The following KCNT2 variants were observed in gnomAD, a reference collection of about 807,000 sequenced individuals.
KCNT2 encodes the protein potassium channel subfamily T member 2.
In KCNT2, 67 loss-of-function variants were observed where a neutral mutation model predicts 153.8. The ratio of observed to expected loss-of-function variants is 0.44; its 90% CI spans 0.36 to 0.53. The LOEUF (loss-of-function observed/expected upper bound fraction) is 0.53. Ranked by LOEUF, KCNT2 falls within the 20% of genes least tolerant of loss-of-function variation. The pLI is 0.00. For missense variants in KCNT2, 975 were observed against 1,354.8 expected (o/e 0.72, Z 4.40); for synonymous variants, 500 against 458.8 (o/e 1.09, Z -1.15).
intron 13 of KCNT2, among the ~76,000 whole-genome samples, chr1:196,387,677 C>T (rs1385440508): frequency 2.0e-5 from 3 of 152,012 alleles, no homozygotes; most frequent in South Asian, 4.1e-4. Context: ...TATTGACAAT[C>T]TTTTCATATG....
chr1:196,513,597 T>A (rs1558028331), intron 1 of KCNT2, among the ~76,000 whole-genome samples: 1 of 152,220 alleles, frequency 6.6e-6, no homozygotes, highest in Non-Finnish European at 1.5e-5. Context: ...TTACGTTAAC[T>A]AAGCTCTCTT....
At chr1:196,510,003 T>A (rs1184572655) in intron 1 of KCNT2, among the ~76,000 whole-genome samples, 1 of 152,144 alleles carries the variant, frequency 6.6e-6, no homozygotes, top group Non-Finnish European at 1.5e-5. Context: ...AGAATATGAT[T>A]GGCAAGGTTG....
At chr1:196,376,275 A>G (rs1451466602) in intron 13 of KCNT2, among the ~76,000 whole-genome samples, 2 of 151,898 alleles carry the variant, frequency 1.3e-5, no homozygotes, top group Non-Finnish European at 2.9e-5. Context: ...CAGAATTAAA[A>G]AATATTCAGA....
chr1:196,604,301 C>T (rs1467476412), intron 1 of KCNT2, among the ~76,000 whole-genome samples: 2 of 152,134 alleles, frequency 1.3e-5, no homozygotes, highest in Non-Finnish European at 2.9e-5. Flanking sequence ...CCAGACTGAG[C>T]GCTATTTCAT....
chr1:196,426,676 T>A (rs755161529), intron 10 of KCNT2, among the ~76,000 whole-genome samples: 1 of 151,656 alleles, frequency 6.6e-6, no homozygotes, highest in Non-Finnish European at 1.5e-5. Flanking sequence ...ATTTCTGGAG[T>A]TTAAATAATT....
chr1:196,228,246 G>T lies in KCNT2; in HGVS notation c.3386C>A (p.Ser1129Tyr), dbSNP rs758510104. The change falls in exon 28 of 28, where the codon TCT becomes TAT. Residue 1129 changes from serine to tyrosine, a missense_variant. By Grantham distance (144) the Ser-to-Tyr change is moderately radical. Transcript: ENST00000294725. ...NSICNVTGQD[S>Y]REETQL is the part of the protein sequence containing the mutation. ...TTATCAAAGTTGAGTTTCCTCCCGA[G>T]AATCTTGACCAGTGACATTGCAGAT... is the stretch of plus-strand genomic sequence containing the variant. The T allele has an allele frequency of 1.2e-6, 2 of 1,607,750 alleles. No individual in the cohort carries two copies. The highest frequency in any genetic ancestry group is 3.4e-5 in the Admixed American group (2 of 59,616).
intron 1 of KCNT2, among the ~76,000 whole-genome samples, chr1:196,549,370 T>C (rs1006536538): frequency 1.3e-5 from 2 of 151,880 alleles, no homozygotes; most frequent in African/African-American, 4.8e-5. Flanking sequence ...CCCCCCACAC[T>C]AGAGAGTGAG....
intron 22 of KCNT2, among the ~76,000 whole-genome samples, chr1:196,295,582 C>A (rs898790834): frequency 1.3e-5 from 2 of 151,564 alleles, no homozygotes; most frequent in Admixed American, 6.6e-5. Context: ...AATTTTTGAA[C>A]AGAAAAGGTT....
In KCNT2 at chr1:196,426,046, A is replaced by C. The variant is rs1301633994; in HGVS notation, c.985-58T>G. On this transcript the variant is annotated intron_variant, in intron 10 of 27. Coordinates refer to ENST00000294725, the MANE Select transcript of KCNT2 (RefSeq NM_198503.5). ...ACAAAAATGTTTTATGTTACACTAC[A>C]TAGAAAAATAAAATATCTAAGAAAA... 22 of 1,304,994 alleles carry C rather than the reference A, an allele frequency of 1.7e-5. No homozygotes were observed. In the Admixed American group the frequency reaches 4.5e-4, roughly 27 times the overall value. 80.8% of individuals were successfully genotyped at this position (1,304,994 alleles called of 1,614,324 possible). A position where few individuals can be genotyped will look rare whatever the true frequency, so the allele number is the denominator to read the frequency against.
intron 1 of KCNT2, among the ~76,000 whole-genome samples, chr1:196,546,429 G>T (rs1459996240): frequency 6.6e-6 from 1 of 151,996 alleles, no homozygotes; most frequent in East Asian, 1.9e-4. Context: ...GCCTCCTAGT[G>T]ATAGCAGCCA....
chr1:196,280,535 G>T (rs1558095265), intron 25 of KCNT2, among the ~76,000 whole-genome samples: 1 of 152,140 alleles, frequency 6.6e-6, no homozygotes, highest in Non-Finnish European at 1.5e-5. Context: ...TTTCTTATGT[G>T]TCAGAACCTC....
intron 1 of KCNT2, among the ~76,000 whole-genome samples, chr1:196,600,711 A>G (rs1379142523): frequency 6.6e-6 from 1 of 152,230 alleles, no homozygotes; most frequent in South Asian, 2.1e-4. Flanking sequence ...CAAGAGTAAA[A>G]CAGTATCTAT....
At chr1:196,234,579 A>G (rs1654256864) in intron 27 of KCNT2, among the ~76,000 whole-genome samples, 2 of 151,152 alleles carry the variant, frequency 1.3e-5, no homozygotes, top group South Asian at 2.1e-4. Flanking sequence ...AACCCATCCT[A>G]TCAGTCAATT....
At chr1:196,343,651 C>T (rs748168823) in intron 14 of KCNT2, among the ~76,000 whole-genome samples, 17 of 152,210 alleles carry the variant, frequency 1.1e-4, no homozygotes, top group Admixed American at 2.6e-4. Context: ...CTAAGTATGC[C>T]TCATTGCTGC....
chr1:196,386,003 A>G (rs1251602178), intron 13 of KCNT2, among the ~76,000 whole-genome samples: 1 of 152,144 alleles, frequency 6.6e-6, no homozygotes, highest in Non-Finnish European at 1.5e-5. Flanking sequence ...CGTAAAAGGC[A>G]TTGTGACTTT....
At chr1:196,467,836 C>T (rs765497306) in intron 6 of KCNT2, 50 bp from the exon 7 acceptor site, 1 of 1,111,368 alleles carries the variant, frequency 9.0e-7, no homozygotes, top group Admixed American at 1.9e-5. Context: ...AAGCAATAAA[C>T]CATACCCAGT....
chr1:196,382,349 C>T (rs958799013), intron 13 of KCNT2, among the ~76,000 whole-genome samples: 4 of 151,846 alleles, frequency 2.6e-5, no homozygotes, highest in East Asian at 3.9e-4. Context: ...CCTTGTGATC[C>T]GCCCACCTCC....
intron 8 of KCNT2, among the ~76,000 whole-genome samples, chr1:196,462,584 A>G (rs1408760957): frequency 6.6e-6 from 1 of 151,680 alleles, no homozygotes; most frequent in Non-Finnish European, 1.5e-5. Context: ...TTTTATAAAG[A>G]AGGCATTTGA....
intron 12 of KCNT2, among the ~76,000 whole-genome samples, chr1:196,403,660 T>C (rs1474692611): frequency 2.6e-5 from 4 of 151,102 alleles, no homozygotes; most frequent in African/African-American, 9.7e-5. Context: ...GAGAGGAGTG[T>C]AGGGGGTGAG....
Sources: allele counts gnomAD v4.1 joint callset (sites outside exome capture counted in the v4.1 genomes callset), GRCh38; gene constraint gnomAD v4.1.1; transcripts MANE v1.5; gene names NCBI Gene and HGNC (gene_info 2026-07-23, HGNC 2026-07-21).